WDFY3: variants seen among roughly 807,000 people sequenced by gnomAD.
The protein encoded by WDFY3 is WD repeat and FYVE domain-containing protein 3.
A neutral mutation model predicts 409.6 loss-of-function variants in WDFY3; 66 were observed. That is an observed-to-expected ratio of 0.16 (90% CI 0.13 to 0.20). WDFY3 has a LOEUF of 0.20. Ranked by LOEUF, WDFY3 falls within the 10% of genes least tolerant of loss-of-function variation. WDFY3 has a pLI of 1.00. For missense variants in WDFY3, 3,031 were observed against 4,298.1 expected (o/e 0.71, Z 8.24); for synonymous variants, 1,521 against 1,537.1 (o/e 0.99, Z 0.25).
At chr4:84,829,340 A>T (rs368076165) in intron 8 of WDFY3, 150 bp from the exon 9 acceptor site, 6 of 636,634 alleles carry the variant, frequency 9.4e-6, no homozygotes, top group Non-Finnish European at 1.5e-5. Flanking sequence ...AAAAGTCAAT[A>T]TAAGAGTCAT....
chr4:84,794,660 T>C lies in WDFY3; in HGVS notation c.3346A>G (p.Asn1116Asp). 6.2e-7 allele frequency: 1 copy of C among 1,613,984 alleles called. No individual in the cohort carries two copies. The highest frequency in any genetic ancestry group is 8.5e-7 in the Non-Finnish European group (1 of 1,180,000). The change falls in exon 21 of 68, where the codon AAT becomes GAT. Residue 1116 changes from asparagine (N) to aspartate (D), a missense_variant. Asn to Asp is a conservative substitution (Grantham distance 23). Around this residue, in one of 16 missense-constraint regions of WDFY3, gnomAD observed 1,322 missense variants for 1,697.9 expected, o/e 0.78. Transcript: ENST00000295888. ...GTAAGAAGTCTGACAGGGTGGTTAT[T>C]TGGAGGAGAACTAAAATGTTCAATA... ...FCIEHFSSPPNNHPVRLLTVV... is the reference protein window; with the variant it reads ...FCIEHFSSPPDNHPVRLLTVV...
At chr4:84,949,823 T>C (rs545593991) in intron 1 of WDFY3, among the ~76,000 whole-genome samples, 14 of 152,216 alleles carry the variant, frequency 9.2e-5, no homozygotes, top group African/African-American at 3.4e-4. Flanking sequence ...AGTAAATATA[T>C]TTACCTCAGG....
intron 1 of WDFY3, among the ~76,000 whole-genome samples, chr4:84,934,703 CA>C: frequency 6.6e-6 from 1 of 152,028 alleles, no homozygotes; most frequent in Admixed American, 6.6e-5. Flanking sequence ...AAATTCAAAG[CA>C]AAATAATAGA....
intron 2 of WDFY3, among the ~76,000 whole-genome samples, chr4:84,914,285 G>C (rs954054117): frequency 5.9e-5 from 9 of 152,070 alleles, no homozygotes; most frequent in African/African-American, 2.2e-4. Context: ...GCTGGGCGTG[G>C]TGGCAGGTGC....
intron 64 of WDFY3, among the ~76,000 whole-genome samples, chr4:84,681,931 G>A (rs1282174860): frequency 6.6e-6 from 1 of 152,174 alleles, no homozygotes; most frequent in Non-Finnish European, 1.5e-5. Flanking sequence ...GTCTGACTGT[G>A]GACTCTGGTC....
chr4:84,672,887 T>C lies in WDFY3; in HGVS notation c.10562A>G (p.Asp3521Gly). Reference sequence around the variant, plus strand: ...GAATCTTCAACAATTTCGAGGCCCATCTTCTGAACCTCTCTCATGCTGTAA... The same window carrying C: ...GAATCTTCAACAATTTCGAGGCCCACCTTCTGAACCTCTCTCATGCTGTAA... ...YNLQHERGSE[D>G]GPRNC Residue 3521 changes from aspartate to glycine, a missense_variant, in exon 68 of 68, where the codon GAT (aspartate) becomes GGT (glycine). Physicochemically the swap from Asp to Gly is moderately conservative, Grantham distance 94. Transcript: ENST00000295888. The C allele has an allele frequency of 6.2e-7, 1 of 1,614,116 alleles. No homozygotes were observed. Among genetic ancestry groups the C allele is most frequent in the Non-Finnish European group, 8.5e-7 (1 of 1,179,990 alleles).
At chr4:84,782,896 G>A (rs1560748148) in intron 25 of WDFY3, 67 bp downstream of exon 25, 2 of 1,465,986 alleles carry the variant, frequency 1.4e-6, no homozygotes, top group Non-Finnish European at 1.9e-6. Context: ...CCCCTTAAGT[G>A]AGGAAAGTGA....
At chr4:84,914,278 G>A (rs1240436220) in intron 2 of WDFY3, among the ~76,000 whole-genome samples, 1 of 152,006 alleles carries the variant, frequency 6.6e-6, no homozygotes, top group African/African-American at 2.4e-5. Flanking sequence ...AAAATTAGCT[G>A]GGCGTGGTGG....
chr4:84,928,179 C>T (rs1249568588), intron 2 of WDFY3, among the ~76,000 whole-genome samples: 16 of 152,208 alleles, frequency 1.1e-4, no homozygotes, highest in Non-Finnish European at 2.2e-4. Context: ...TGCCCTTCAT[C>T]GTCTGTCCCT....
At chr4:84,867,338 G>C (rs1393059556) in intron 3 of WDFY3, among the ~76,000 whole-genome samples, 1 of 152,196 alleles carries the variant, frequency 6.6e-6, no homozygotes, top group African/African-American at 2.4e-5. Flanking sequence ...TGTAGAATAA[G>C]AGGTTTAGAA....
intron 9 of WDFY3, 76 bp downstream of exon 9, chr4:84,828,928 C>T: frequency 7.1e-7 from 1 of 1,413,478 alleles, no homozygotes; most frequent in Non-Finnish European, 9.4e-7. Context: ...TCCTATAACC[C>T]CAAATCACAT....
intron 3 of WDFY3, among the ~76,000 whole-genome samples, chr4:84,893,912 C>A (rs1422509578): frequency 6.6e-6 from 1 of 151,962 alleles, no homozygotes; most frequent in African/African-American, 2.4e-5. Flanking sequence ...TTTCTTGAAC[C>A]CAGGAGGCAG....
At chr4:84,845,763 A>C (rs1209981973) in intron 5 of WDFY3, among the ~76,000 whole-genome samples, 1 of 152,154 alleles carries the variant, frequency 6.6e-6, no homozygotes, top group Non-Finnish European at 1.5e-5. Context: ...CCAATGTTCT[A>C]AACTAAAAAT....
At chr4:84,809,599 C>G (rs7681742) in intron 14 of WDFY3, 3 of 277,342 alleles carry the variant, frequency 1.1e-5, no homozygotes, top group Non-Finnish European at 2.0e-5. Context: ...AAAAAAACAA[C>G]AGTAAACACT....
Position 84,833,688 on chromosome 4 carries a change from A to AAAGAAAAGAGAAGAGAAGAG in WDFY3, c.577-2084_577-2083insCTCTTCTCTTCTCTTTTCTT, listed in dbSNP as rs754643352. Among the ~76,000 whole-genome samples the AAAGAAAAGAGAAGAGAAGAG allele has an allele frequency of 9.3e-3, 1,391 of 149,452 alleles. 4 individuals are homozygous for AAAGAAAAGAGAAGAGAAGAG. The highest frequency in any genetic ancestry group is 0.015 in the African/African-American group (599 of 40,186). ...AAAGAAAAGAAAAGAAAAGAAAAGA[A>AAAGAAAAGAGAAGAGAAGAG]AAGAGAAGAGAAGAGAAGAGAACAG... On this transcript the variant is annotated intron_variant, in intron 7 of 67. Coordinates refer to ENST00000295888, the MANE Select transcript of WDFY3 (RefSeq NM_014991.6).
In WDFY3 at chr4:84,860,392, G is replaced by A; in HGVS notation, c.180+20C>T. The A allele has an allele frequency of 6.2e-7, 1 of 1,601,442 alleles. No homozygotes were observed. Among genetic ancestry groups the A allele is most frequent in the Middle Eastern group, 1.7e-4 (1 of 6,012 alleles). ...TGCCCCCCAGTCCCGGAAGGTGTGTGTCTGGCAACCTGGACTTACCCTGTT... is the reference window on the plus strand; with the variant it reads ...TGCCCCCCAGTCCCGGAAGGTGTGTATCTGGCAACCTGGACTTACCCTGTT... On this transcript the variant is annotated intron_variant, in intron 4 of 67. Transcript: ENST00000295888.
intron 47 of WDFY3, among the ~76,000 whole-genome samples, chr4:84,721,048 G>T (rs1377023140): frequency 6.6e-6 from 1 of 152,212 alleles, no homozygotes; most frequent in Non-Finnish European, 1.5e-5. Flanking sequence ...GAAGCCGCTT[G>T]TAGGTTATTA....
intron 53 of WDFY3, among the ~76,000 whole-genome samples, chr4:84,707,632 C>T (rs770105241): frequency 3.3e-5 from 5 of 152,146 alleles, no homozygotes; most frequent in Non-Finnish European, 7.4e-5. Flanking sequence ...CAAAGTACTC[C>T]ACTCCCTTCT....
chr4:84,722,920 C>T (rs1735070822), intron 46 of WDFY3, among the ~76,000 whole-genome samples: 1 of 152,192 alleles, frequency 6.6e-6, no homozygotes, highest in Non-Finnish European at 1.5e-5. Context: ...CTGCAGAGAA[C>T]ATCCACAAGG....
Sources: allele counts gnomAD v4.1 joint callset (sites outside exome capture counted in the v4.1 genomes callset), GRCh38; gene constraint gnomAD v4.1.1; regional missense constraint gnomAD v4.1.1; transcripts MANE v1.5; gene names NCBI Gene and HGNC (gene_info 2026-07-23, HGNC 2026-07-21).